The following SLX4IP variants were observed in gnomAD, a reference collection of about 807,000 sequenced individuals.
SLX4IP encodes protein SLX4IP.
A neutral mutation model predicts 32.9 loss-of-function variants in SLX4IP; 34 were observed. The ratio of observed to expected loss-of-function variants is 1.03; its 90% CI spans 0.79 to 1.38. The LOEUF (loss-of-function observed/expected upper bound fraction) is 1.38, where lower values mean the gene tolerates loss of function less well. Among genes scored for constraint, SLX4IP ranks in the 40% most tolerant of loss-of-function variants. SLX4IP has a pLI of 0.00. For synonymous variants in SLX4IP, 172 were observed against 171.7 expected, an observed-to-expected ratio of 1.00 and a Z score of -0.01; for missense variants, 444 against 479.0, an observed-to-expected ratio of 0.93 and a Z score of 0.68.
At chr20:10,530,699 C>A (rs1234629488) in intron 2 of SLX4IP, among the ~76,000 whole-genome samples, 6 of 152,034 alleles carry the variant, frequency 3.9e-5, no homozygotes, top group Non-Finnish European at 8.8e-5. Flanking sequence ...AGGCTGTAAG[C>A]CTTTTTCCAT....
intron 2 of SLX4IP, among the ~76,000 whole-genome samples, chr20:10,485,413 C>G (rs2065563251): frequency 6.6e-6 from 1 of 151,962 alleles, no homozygotes; most frequent in Non-Finnish European, 1.5e-5. Flanking sequence ...GACCAGCTGG[C>G]CAACACGGTG....
At chr20:10,511,947 T>C (rs1039342128) in intron 2 of SLX4IP, among the ~76,000 whole-genome samples, 6 of 152,244 alleles carry the variant, frequency 3.9e-5, no homozygotes, top group Admixed American at 6.5e-5. Flanking sequence ...AGAGAAGTAA[T>C]TTGGTATTTT....
At chr20:10,456,223 G>GA (rs1355881144) in intron 1 of SLX4IP, among the ~76,000 whole-genome samples, 1 of 152,158 alleles carries the variant, frequency 6.6e-6, no homozygotes. Context: ...TCCAAAATCT[G>GA]AAAAAATCCT....
intron 6 of SLX4IP, among the ~76,000 whole-genome samples, chr20:10,607,491 C>T (rs1311994120): frequency 6.6e-6 from 1 of 152,220 alleles, no homozygotes; most frequent in Non-Finnish European, 1.5e-5. Context: ...AAAGAATTCT[C>T]ATGGTGCTTG....
chr20:10,556,604 G>A (rs2066269927), intron 3 of SLX4IP, among the ~76,000 whole-genome samples: 1 of 152,142 alleles, frequency 6.6e-6, no homozygotes, highest in African/African-American at 2.4e-5. Flanking sequence ...AAGAGGAGAA[G>A]AAGAAGAAGA....
chr20:10,460,589 G>A (rs1191979268), intron 2 of SLX4IP, among the ~76,000 whole-genome samples: 2 of 152,130 alleles, frequency 1.3e-5, no homozygotes, highest in Non-Finnish European at 1.5e-5. Context: ...GTTTTGAGGG[G>A]TAGCATCTTA....
At chr20:10,566,838 C>T (rs1308022831) in intron 4 of SLX4IP, among the ~76,000 whole-genome samples, 1 of 152,132 alleles carries the variant, frequency 6.6e-6, no homozygotes, top group African/African-American at 2.4e-5. Flanking sequence ...TGAGGCCTTC[C>T]TGAAGTCTGT....
intron 2 of SLX4IP, among the ~76,000 whole-genome samples, chr20:10,529,747 T>C (rs891488734): frequency 1.7e-4 from 26 of 152,066 alleles, no homozygotes; most frequent in African/African-American, 5.6e-4. Flanking sequence ...ATTGCTATCA[T>C]AGAAAATGTT....
intron 2 of SLX4IP, among the ~76,000 whole-genome samples, chr20:10,540,962 G>A (rs1391549445): frequency 6.6e-6 from 1 of 152,198 alleles, no homozygotes; most frequent in Admixed American, 6.5e-5. Flanking sequence ...GCAGTCATGG[G>A]ATTGTTTCCT....
chr20:10,468,859 A>G (rs1255294411), intron 2 of SLX4IP, among the ~76,000 whole-genome samples: 2 of 152,144 alleles, frequency 1.3e-5, no homozygotes, highest in Non-Finnish European at 2.9e-5. Context: ...TATATACATT[A>G]TGCCTAGCCA....
At chr20:10,608,902 T>C (rs1181182799) in intron 6 of SLX4IP, among the ~76,000 whole-genome samples, 1 of 152,092 alleles carries the variant, frequency 6.6e-6, no homozygotes, top group Non-Finnish European at 1.5e-5. Flanking sequence ...CTCGACTCCC[T>C]AATTATTTTC....
At chr20:10,619,786 C>T (rs951019729) in intron 6 of SLX4IP, among the ~76,000 whole-genome samples, 6 of 152,142 alleles carry the variant, frequency 3.9e-5, no homozygotes, top group Admixed American at 1.3e-4. Context: ...CGATTCCTCT[C>T]GATCTCTCTC....
chr20:10,465,441 A>G (rs2065372626), intron 2 of SLX4IP, among the ~76,000 whole-genome samples: 1 of 152,246 alleles, frequency 6.6e-6, no homozygotes, highest in African/African-American at 2.4e-5. Context: ...GCAAAGTCTG[A>G]AATAAACACA....
rs1358251096 is a variant in SLX4IP, at chr20:10,460,822, T to C, written c.27+2591T>C. Among the ~76,000 whole-genome samples the C allele has an allele frequency of 3.3e-5, 5 of 152,360 alleles. No individual in the cohort carries two copies. In the East Asian group the frequency reaches 5.8e-4, roughly 18 times the overall value. On this transcript the variant is annotated intron_variant, in intron 2 of 7. Transcript: ENST00000334534. ...GAGACTACTCACCTCAGAAGTTCAC[T>C]GTTGGCCTGATCTGATTCCTTCTTG...
intron 2 of SLX4IP, among the ~76,000 whole-genome samples, chr20:10,501,347 C>T (rs907196193): frequency 6.6e-6 from 1 of 152,054 alleles, no homozygotes; most frequent in African/African-American, 2.4e-5. Flanking sequence ...TCCCCTCCCC[C>T]CACAGTCTAT....
At chr20:10,613,975 C>A (rs958577621) in intron 6 of SLX4IP, 1 of 1,184,742 alleles carries the variant, frequency 8.4e-7, no homozygotes, top group African/African-American at 1.5e-5. Context: ...TCCACCGTTC[C>A]CTGCTCATCG....
intron 4 of SLX4IP, among the ~76,000 whole-genome samples, chr20:10,568,905 A>G (rs1466715624): frequency 2.6e-5 from 4 of 152,258 alleles, no homozygotes; most frequent in Non-Finnish European, 5.9e-5. Context: ...GGTGGATCAC[A>G]GCAATAATCA....
chr20:10,450,461 A>C (rs543513901), intron 1 of SLX4IP, among the ~76,000 whole-genome samples: 21 of 152,340 alleles, frequency 1.4e-4, no homozygotes, highest in Admixed American at 7.2e-4. Context: ...CTGATTTCCC[A>C]GGAACTTACT....
chr20:10,440,136 A>ATT (rs577778324), intron 1 of SLX4IP, among the ~76,000 whole-genome samples: 154 of 143,122 alleles, frequency 1.1e-3, no homozygotes, highest in African/African-American at 3.7e-3. Context: ...AAAAGATTGC[A>ATT]TTTTTTTTTT....
Sources: allele counts gnomAD v4.1 joint callset (sites outside exome capture counted in the v4.1 genomes callset), GRCh38; gene constraint gnomAD v4.1.1; transcripts MANE v1.5; gene names NCBI Gene and HGNC (gene_info 2026-07-23, HGNC 2026-07-21).